PCLO: variants seen among roughly 807,000 people sequenced by gnomAD.
PCLO encodes protein piccolo.
A neutral mutation model predicts 427.5 loss-of-function variants in PCLO; 82 were observed. That is an observed-to-expected ratio of 0.19 (90% CI 0.16 to 0.23). The LOEUF (loss-of-function observed/expected upper bound fraction) is 0.23. PCLO is among the 10% of genes least tolerant of loss of function. The pLI is 1.00. For missense variants in PCLO, 6,239 were observed against 6,115.9 expected, an observed-to-expected ratio of 1.02 and a Z score of -0.67; for synonymous variants, 2,357 against 2,155.4, an observed-to-expected ratio of 1.09 and a Z score of -2.59.
chr7:82,792,443 C>T (rs1397858932), intron 22 of PCLO, among the ~76,000 whole-genome samples: 1 of 151,862 alleles, frequency 6.6e-6, no homozygotes, highest in Non-Finnish European at 1.5e-5. Context: ...ACTCCCTCCT[C>T]AGCATCCCAA....
intron 3 of PCLO, among the ~76,000 whole-genome samples, chr7:83,129,168 T>C (rs1791511218): frequency 6.6e-6 from 1 of 152,172 alleles, no homozygotes; most frequent in African/African-American, 2.4e-5. Context: ...ACCTCTCAGA[T>C]ACTCATTCTC....
intron 3 of PCLO, among the ~76,000 whole-genome samples, chr7:83,095,685 T>A (rs1431360165): frequency 6.6e-6 from 1 of 152,054 alleles, no homozygotes; most frequent in Non-Finnish European, 1.5e-5. Flanking sequence ...TGTTAACTCA[T>A]GGATTATTTG....
intron 22 of PCLO, among the ~76,000 whole-genome samples, chr7:82,782,070 C>A (rs2129468136): frequency 6.6e-6 from 1 of 152,310 alleles, no homozygotes; most frequent in African/African-American, 2.4e-5. Flanking sequence ...CAACTTGAAG[C>A]CAGTCGGTCA....
intron 10 of PCLO, among the ~76,000 whole-genome samples, chr7:82,861,387 A>G (rs956874730): frequency 3.9e-5 from 6 of 152,076 alleles, no homozygotes; most frequent in African/African-American, 9.6e-5. Flanking sequence ...GACAAAAGCT[A>G]TAAGAAGAGA....
At chr7:82,918,436 T>C (rs935639607) in intron 6 of PCLO, among the ~76,000 whole-genome samples, 2 of 152,052 alleles carry the variant, frequency 1.3e-5, no homozygotes, top group African/African-American at 4.8e-5. Context: ...ACCCACATTC[T>C]AGATCTTTAC....
chr7:82,863,816 A>G (rs1350187540), intron 10 of PCLO, among the ~76,000 whole-genome samples: 1 of 152,072 alleles, frequency 6.6e-6, no homozygotes, highest in Admixed American at 6.6e-5. Context: ...TATGTATACC[A>G]TCTGATTGGT....
At chr7:83,069,231 T>C (rs1014668629) in intron 3 of PCLO, among the ~76,000 whole-genome samples, 1 of 152,010 alleles carries the variant, frequency 6.6e-6, no homozygotes, top group Admixed American at 6.6e-5. Flanking sequence ...ACAAAAAAAA[T>C]CCACTTTGAC....
In PCLO at chr7:83,156,403, T is replaced by TAA. The variant is rs71074628; in HGVS notation, c.249-13_249-12dup. Reference sequence around the variant, plus strand: ...TCCAACTCTTGTTTCCTAGAAGAGTTAAAAAAAAAAAAAAAAATCAAGTGA... The same window carrying TAA: ...TCCAACTCTTGTTTCCTAGAAGAGTTAAAAAAAAAAAAAAAAAAATCAAGTGA... On this transcript the variant is annotated splice_polypyrimidine_tract_variant and intron_variant, in intron 1 of 24. Coordinates refer to ENST00000333891, the MANE Select transcript of PCLO (RefSeq NM_033026.6). 4,539 of 1,060,400 alleles carry TAA rather than the reference T, an allele frequency of 4.3e-3. 38 individuals carry two copies. Among genetic ancestry groups the TAA allele is most frequent in the African/African-American group, 0.038 (2,187 of 57,658 alleles). 65.7% of individuals were successfully genotyped at this position (1,060,400 alleles called of 1,614,324 possible). A position where few individuals can be genotyped will look rare whatever the true frequency, so the allele number is the denominator to read the frequency against.
rs190786630 is a variant in PCLO at position 83,028,882 on chromosome 7, T to G, written c.3301-62395A>C. ...AACGGATTCCCTATTTAATAAATGG[T>G]GCTGGGAAAACTGGCTAGCCATATG... On this transcript the variant is annotated intron_variant, in intron 3 of 24. Transcript: ENST00000333891. Among the ~76,000 whole-genome samples, 426 of 151,858 alleles carry G rather than the reference T, an allele frequency of 2.8e-3. 3 individuals are homozygous for G. The highest frequency in any genetic ancestry group is 0.016 in the Admixed American group (240 of 15,256).
In PCLO at chr7:82,827,877, T is replaced by A; in HGVS notation, c.14339A>T (p.Glu4780Val). 6.6e-7 allele frequency: 1 copy of A among 1,523,756 alleles called. No homozygotes were observed. The highest frequency in any genetic ancestry group is 1.1e-5 in the South Asian group (1 of 88,042). The allele number at this position is 1,523,756 out of a possible 1,614,324, so 94.4% of individuals were successfully genotyped here. A position where few individuals can be genotyped will look rare whatever the true frequency, so the allele number is the denominator to read the frequency against. Reference sequence around the variant, plus strand: ...CTAGAAATAATCTTGACATACCTGTTCCATGGAAATACTTTTATAAATTAC... The same window carrying A: ...CTAGAAATAATCTTGACATACCTGTACCATGGAAATACTTTTATAAATTAC... ...QTVIYKSISM[E>V]QLKKKTLEVT... Residue 4780 changes from glutamate to valine, a missense_variant, in exon 17 of 25, where the codon GAA becomes GTA. Glu to Val is a moderately radical substitution (Grantham distance 121, BLOSUM62 -2). Transcript: ENST00000333891.
At chr7:82,947,525 C>A (rs938375081) in intron 6 of PCLO, among the ~76,000 whole-genome samples, 3 of 152,072 alleles carry the variant, frequency 2.0e-5, no homozygotes, top group Non-Finnish European at 2.9e-5. Flanking sequence ...TTATAAAATT[C>A]ACATCTTAGA....
In PCLO at chr7:82,822,397, T is replaced by C. The variant is rs1791815679; in HGVS notation, c.14791+98A>G. On this transcript the variant is annotated intron_variant, in intron 20 of 24. Transcript: ENST00000333891. ...GACAGAGAACAGGGTGAGCAGAGGA[T>C]GTTGAAAACTGAAAGCAAACAGGAA... 8 of 1,603,772 alleles carry C rather than the reference T, an allele frequency of 5.0e-6. No individual in the cohort carries two copies. In the East Asian group the frequency reaches 1.8e-4, roughly 36 times the overall value.
intron 22 of PCLO, among the ~76,000 whole-genome samples, chr7:82,797,101 A>G (rs1562790472): frequency 6.6e-6 from 1 of 152,022 alleles, no homozygotes; most frequent in Non-Finnish European, 1.5e-5. Flanking sequence ...GAGCCTAGCA[A>G]ATTTCTAGAA....
chr7:83,048,476 T>C (rs1025797195), intron 3 of PCLO, among the ~76,000 whole-genome samples: 2 of 152,074 alleles, frequency 1.3e-5, no homozygotes, highest in Non-Finnish European at 2.9e-5. Context: ...ACTGAGCTGT[T>C]GGTTAATTGC....
Position 82,949,980 on chromosome 7 carries a change from T to A in PCLO, c.10608A>T (p.Thr3536=). The A allele has an allele frequency of 6.2e-7, 1 of 1,613,434 alleles. No homozygotes were observed. The highest frequency in any genetic ancestry group is 1.1e-5 in the South Asian group (1 of 91,044). ...CATCCACTCGTGCCCGTATGGAGGGTGTTCTTATGGTTCCAACTGGTTCAG... is the reference window on the plus strand; with the variant it reads ...CATCCACTCGTGCCCGTATGGAGGGAGTTCTTATGGTTCCAACTGGTTCAG... ...VQTEPVGTIR[T]PSIRARVDAK... Residue 3536 remains threonine, a synonymous_variant, in exon 6 of 25, where the codon ACA becomes ACT. Coordinates refer to ENST00000333891, the MANE Select transcript of PCLO (RefSeq NM_033026.6).
chr7:82,844,933 C>A (rs1022758656), intron 13 of PCLO, among the ~76,000 whole-genome samples: 5 of 151,988 alleles, frequency 3.3e-5, no homozygotes, highest in African/African-American at 1.2e-4. Flanking sequence ...GTAATATGTA[C>A]CTTTTGTTCC....
chr7:83,106,470 C>G (rs945852940), intron 3 of PCLO, among the ~76,000 whole-genome samples: 6 of 152,286 alleles, frequency 3.9e-5, no homozygotes, highest in African/African-American at 1.4e-4. Context: ...CAAACCCCTA[C>G]TTTCCTTATA....
intron 3 of PCLO, among the ~76,000 whole-genome samples, chr7:82,989,923 C>G (rs1007501362): frequency 6.6e-6 from 1 of 152,044 alleles, no homozygotes; most frequent in African/African-American, 2.4e-5. Flanking sequence ...TTGCCTGCAG[C>G]ATCACATAGG....
At chr7:82,784,499 A>C (rs1269294779) in intron 22 of PCLO, among the ~76,000 whole-genome samples, 1 of 152,086 alleles carries the variant, frequency 6.6e-6, no homozygotes, top group Non-Finnish European at 1.5e-5. Flanking sequence ...GCCCGTATTC[A>C]TCAATTCACA....
Sources: allele counts gnomAD v4.1 joint callset (sites outside exome capture counted in the v4.1 genomes callset), GRCh38; gene constraint gnomAD v4.1.1; transcripts MANE v1.5; gene names NCBI Gene and HGNC (gene_info 2026-07-23, HGNC 2026-07-21).